The following TAOK3 variants were observed in gnomAD, a reference collection of about 807,000 sequenced individuals.
TAOK3 encodes TAO kinase 3.
Under a neutral mutation model 120.4 loss-of-function variants are expected in TAOK3, and 40 were observed. The observed-to-expected ratio is 0.33, with a 90% CI of 0.26 to 0.43. The LOEUF (loss-of-function observed/expected upper bound fraction) is 0.43, where lower values mean the gene tolerates loss of function less well. Ranked by LOEUF, TAOK3 falls within the 20% of genes least tolerant of loss-of-function variation. The pLI is 1.00. For synonymous variants in TAOK3, 355 were observed against 387.5 expected, an observed-to-expected ratio of 0.92 and a Z score of 0.99; for missense variants, 821 against 1,112.1, an observed-to-expected ratio of 0.74 and a Z score of 3.72.
intron 1 of TAOK3, among the ~76,000 whole-genome samples, chr12:118,308,064 G>A (rs934361167): frequency 1.3e-5 from 2 of 152,076 alleles, no homozygotes; most frequent in South Asian, 2.1e-4. Flanking sequence ...TGGGATAGGA[G>A]GTAGGCACAA....
At chr12:118,340,573 T>C (rs1771844523) in intron 1 of TAOK3, among the ~76,000 whole-genome samples, 1 of 152,188 alleles carries the variant, frequency 6.6e-6, no homozygotes, top group South Asian at 2.1e-4. Flanking sequence ...TTATTAAATA[T>C]TATTTTTTGG....
At position 118,263,759 on chromosome 12, in the gene TAOK3, G is replaced by C. The variant is rs2041328548; in HGVS notation, c.-89+2896C>G. ...ATGCATACTATCACTACTCATTAGG[G>C]AGATGCAAATGAAAACCCATGAGAG... On this transcript the variant is annotated intron_variant, in intron 2 of 20. Coordinates refer to ENST00000392533, the MANE Select transcript of TAOK3 (RefSeq NM_016281.4). Among the ~76,000 whole-genome samples the C allele has an allele frequency of 3.3e-5, 5 of 152,264 alleles. No homozygotes were observed. The South Asian group carries it at 1.0e-3, about 32-fold the overall frequency.
At chr12:118,166,453 A>C (rs1290166075) in intron 17 of TAOK3, among the ~76,000 whole-genome samples, 19 of 149,472 alleles carry the variant, frequency 1.3e-4, no homozygotes, top group Admixed American at 1.2e-3. Context: ...CAGGAGAATC[A>C]CTTGAACTCG....
chr12:118,233,556 TTAAG>T (rs2039881832), intron 9 of TAOK3, 114 bp downstream of exon 9: 5 of 788,336 alleles, frequency 6.3e-6, no homozygotes, highest in South Asian at 1.6e-5. Flanking sequence ...CAGTAACTCA[TTAAG>T]TAATAGCCAG....
rs554925701 is a variant in TAOK3, at chr12:118,348,967, C to T, written c.-194+23681G>A. On this transcript the variant is annotated intron_variant, in intron 1 of 20. Coordinates refer to ENST00000392533, the MANE Select transcript of TAOK3 (RefSeq NM_016281.4). ...GCAGTGGCGCGTTCTTGGCCCACTG[C>T]AACCTCTGCCTCCCAGGCGGTTCAA... Among the ~76,000 whole-genome samples the T allele has an allele frequency of 2.0e-4, 31 of 151,686 alleles. No homozygotes were observed. In the South Asian group the frequency reaches 6.4e-3, roughly 32 times the overall value.
At chr12:118,286,022 A>G (rs1460374432) in intron 1 of TAOK3, among the ~76,000 whole-genome samples, 1 of 152,186 alleles carries the variant, frequency 6.6e-6, no homozygotes, top group East Asian at 1.9e-4. Context: ...AAAGAAGGCA[A>G]TCAGATATGC....
chr12:118,204,864 T>C (rs1253526074), intron 11 of TAOK3, among the ~76,000 whole-genome samples: 1 of 151,896 alleles, frequency 6.6e-6, no homozygotes, highest in African/African-American at 2.4e-5. Context: ...CCCCCATCTC[T>C]ACTAAAAACA....
At chr12:118,188,959 C>A (rs536624921) in intron 14 of TAOK3, among the ~76,000 whole-genome samples, 21 of 152,206 alleles carry the variant, frequency 1.4e-4, no homozygotes, top group African/African-American at 3.4e-4. Flanking sequence ...TGAGCGCGCA[C>A]GCGCACGCGT....
chr12:118,187,614 A>G (rs1266051929), intron 14 of TAOK3, among the ~76,000 whole-genome samples: 4 of 152,108 alleles, frequency 2.6e-5, no homozygotes, highest in Non-Finnish European at 4.4e-5. Flanking sequence ...TCCCCTCCCT[A>G]AAAGCCACTA....
At chr12:118,211,613 CTTT>C (rs5801272) in intron 11 of TAOK3, among the ~76,000 whole-genome samples, 13 of 137,326 alleles carry the variant, frequency 9.5e-5, no homozygotes, top group Non-Finnish European at 9.3e-5. Flanking sequence ...TCATATTTTC[CTTT>C]TTTTTTTTTT....
At chr12:118,238,330 C>T (rs955082340) in intron 6 of TAOK3, among the ~76,000 whole-genome samples, 161 bp from the exon 7 acceptor site, 2 of 152,126 alleles carry the variant, frequency 1.3e-5, no homozygotes, top group East Asian at 1.9e-4. Flanking sequence ...GATCAGACAA[C>T]AGGAAACCCA....
At chr12:118,322,820 G>A (rs890302758) in intron 1 of TAOK3, among the ~76,000 whole-genome samples, 1 of 146,418 alleles carries the variant, frequency 6.8e-6, no homozygotes, top group Non-Finnish European at 1.5e-5. Context: ...CTGCCTCCCA[G>A]GTTCAAGCAA....
At chr12:118,313,402 A>G (rs1251895068) in intron 1 of TAOK3, among the ~76,000 whole-genome samples, 1 of 151,914 alleles carries the variant, frequency 6.6e-6, no homozygotes, top group African/African-American at 2.4e-5. Context: ...TCAGCCTCCC[A>G]AGTAGCTGGG....
At position 118,150,903 on chromosome 12, in the gene TAOK3, G is replaced by A; in HGVS notation, c.*94C>T. 5 of 1,228,286 alleles carry A rather than the reference G, an allele frequency of 4.1e-6. No homozygotes were observed. Among genetic ancestry groups the A allele is most frequent in the Non-Finnish European group, 5.6e-6 (5 of 891,708 alleles). 76.1% of individuals were successfully genotyped at this position (1,228,286 alleles called of 1,614,324 possible). On this transcript the variant is annotated 3_prime_UTR_variant, in exon 21 of 21. Coordinates refer to ENST00000392533, the MANE Select transcript of TAOK3 (RefSeq NM_016281.4). ...AAGAGAGAGAGAGAGTGAGAGCAAC[G>A]CCCGTTAAAATGGGGAATGTGGTTT...
chr12:118,363,755 T>TGAGA (rs112300856), intron 1 of TAOK3, among the ~76,000 whole-genome samples: 118 of 141,776 alleles, frequency 8.3e-4, no homozygotes, highest in African/African-American at 1.7e-3. Flanking sequence ...TGTGTGTGTG[T>TGAGA]GAGAGAGAGA....
intron 1 of TAOK3, among the ~76,000 whole-genome samples, chr12:118,358,362 G>A (rs1348151890): frequency 6.6e-6 from 1 of 152,116 alleles, no homozygotes; most frequent in Non-Finnish European, 1.5e-5. Flanking sequence ...TGACTTTTCT[G>A]TCTCTAAATT....
chr12:118,188,973 G>A (rs889319003), intron 14 of TAOK3, among the ~76,000 whole-genome samples: 1 of 152,178 alleles, frequency 6.6e-6, no homozygotes, highest in African/African-American at 2.4e-5. Flanking sequence ...CACGCGTGGG[G>A]GCCGAGGGGA....
chr12:118,325,890 G>C (rs2043916577), intron 1 of TAOK3, among the ~76,000 whole-genome samples: 1 of 152,116 alleles, frequency 6.6e-6, no homozygotes, highest in African/African-American at 2.4e-5. Context: ...ATGCTGGCTA[G>C]GCTGGTCTTG....
At chr12:118,331,429 G>A (rs1486429424) in intron 1 of TAOK3, among the ~76,000 whole-genome samples, 1 of 152,072 alleles carries the variant, frequency 6.6e-6, no homozygotes, top group Admixed American at 6.6e-5. Context: ...TGGATCGCTT[G>A]AGGCCAGAAG....
Sources: gnomAD v4.1 joint callset for allele counts (sites outside exome capture counted in the v4.1 genomes callset) on GRCh38, gnomAD v4.1.1 for gene constraint, MANE v1.5 for transcripts, NCBI Gene and HGNC (gene_info 2026-07-23, HGNC 2026-07-21) for gene names.